The following LINGO2 variants were observed in gnomAD, a reference collection of about 807,000 sequenced individuals.
LINGO2 encodes the protein leucine rich repeat and Ig domain containing 2.
LINGO2 carries 14 observed loss-of-function variants against 30.6 expected under a neutral mutation model. The ratio of observed to expected loss-of-function variants is 0.46; its 90% confidence interval spans 0.30 to 0.72. LINGO2 has a LOEUF of 0.72. Ranked by LOEUF, LINGO2 falls within the 30% of genes least tolerant of loss-of-function variation. The pLI, the probability that LINGO2 is intolerant of heterozygous loss-of-function variation, is 0.07. For missense variants in LINGO2, 729 were observed against 751.7 expected (o/e 0.97, Z 0.35); for synonymous variants, 317 against 288.5 (o/e 1.10, Z -1.00).
chr9:29,024,446 T>C, the LINGO2 span, among the ~76,000 whole-genome samples: 1 of 152,118 alleles, frequency 6.6e-6, no homozygotes, highest in South Asian at 2.1e-4. Flanking sequence ...ATAAATGTTA[T>C]TCATGGCTAA....
At chr9:28,743,748 T>C in the LINGO2 span, among the ~76,000 whole-genome samples, 1 of 151,874 alleles carries the variant, frequency 6.6e-6, no homozygotes, top group Non-Finnish European at 1.5e-5. Flanking sequence ...GATTTTTCTA[T>C]TTATATTGTC....
the LINGO2 span, among the ~76,000 whole-genome samples, chr9:28,752,627 A>T: frequency 6.6e-6 from 1 of 152,088 alleles, no homozygotes; most frequent in Non-Finnish European, 1.5e-5. Flanking sequence ...AAAAGTGAGT[A>T]TTTCAATAGT....
the LINGO2 span, among the ~76,000 whole-genome samples, chr9:29,187,680 C>T: frequency 5.3e-5 from 8 of 151,616 alleles, no homozygotes; most frequent in Non-Finnish European, 7.4e-5. Context: ...AATGAAAACT[C>T]TGGTGTACAT....
chr9:28,911,366 C>A, the LINGO2 span, among the ~76,000 whole-genome samples: 1 of 151,746 alleles, frequency 6.6e-6, no homozygotes, highest in African/African-American at 2.4e-5. Flanking sequence ...TAAAGAAGCA[C>A]GTTTGACATT....
chr9:28,456,556 C>A (rs535917316), intron 2 of LINGO2, among the ~76,000 whole-genome samples: 1 of 152,184 alleles, frequency 6.6e-6, no homozygotes, highest in Non-Finnish European at 1.5e-5. Context: ...TCTGACTGTT[C>A]ATTTTCCAGA....
chr9:29,170,594 A>T, the LINGO2 span, among the ~76,000 whole-genome samples: 1 of 152,038 alleles, frequency 6.6e-6, no homozygotes, highest in Middle Eastern at 3.4e-3. Flanking sequence ...TATAAAAATT[A>T]AAAAAAGAAA....
chr9:27,990,202 T>TA (rs1821324207), intron 5 of LINGO2, among the ~76,000 whole-genome samples: 1 of 152,048 alleles, frequency 6.6e-6, no homozygotes, highest in Non-Finnish European at 1.5e-5. Context: ...ATTTTTGACC[T>TA]ACAAAAACAG....
At chr9:28,003,430 A>T (rs1822084763) in intron 5 of LINGO2, among the ~76,000 whole-genome samples, 1 of 152,022 alleles carries the variant, frequency 6.6e-6, no homozygotes, top group Non-Finnish European at 1.5e-5. Context: ...TTCAGTGTTT[A>T]CTATTAGAGG....
chr9:28,011,592 G>A (rs1196802162), intron 5 of LINGO2, among the ~76,000 whole-genome samples: 4 of 152,122 alleles, frequency 2.6e-5, no homozygotes. Context: ...CAGGCAGATG[G>A]GTGAAGTTAT....
At chr9:28,648,286 G>A (rs191832898) in intron 1 of LINGO2, among the ~76,000 whole-genome samples, 1 of 152,086 alleles carries the variant, frequency 6.6e-6, no homozygotes, top group African/African-American at 2.4e-5. Flanking sequence ...TTTTACGAGA[G>A]AGCATAGACT....
intron 4 of LINGO2, among the ~76,000 whole-genome samples, chr9:28,067,447 G>C (rs1287602157): frequency 6.6e-6 from 1 of 152,096 alleles, no homozygotes; most frequent in Non-Finnish European, 1.5e-5. Flanking sequence ...AAAACAAAAA[G>C]TTCAGATTTT....
At chr9:28,008,143 G>C (rs1822361065) in intron 5 of LINGO2, among the ~76,000 whole-genome samples, 1 of 152,114 alleles carries the variant, frequency 6.6e-6, no homozygotes, top group Non-Finnish European at 1.5e-5. Flanking sequence ...AGGTGAGTGG[G>C]CTTTCTATGA....
chr9:29,108,586 C>T, the LINGO2 span, among the ~76,000 whole-genome samples: 1 of 152,142 alleles, frequency 6.6e-6, no homozygotes, highest in Admixed American at 6.5e-5. Flanking sequence ...AGTAGCTAGG[C>T]TAATTATACA....
intron 4 of LINGO2, among the ~76,000 whole-genome samples, chr9:28,058,460 T>C (rs558205910): frequency 1.3e-5 from 2 of 152,214 alleles, no homozygotes; most frequent in African/African-American, 4.8e-5. Context: ...ACATAACTCA[T>C]TCTTTCTTTT....
At chr9:28,675,842 GC>G in the LINGO2 span, among the ~76,000 whole-genome samples, 1 of 147,766 alleles carries the variant, frequency 6.8e-6, no homozygotes, top group Non-Finnish European at 1.5e-5. Flanking sequence ...CTGCACTCCA[GC>G]CTGGGTAACA....
chr9:28,180,339 T>A (rs1333255858), intron 4 of LINGO2, among the ~76,000 whole-genome samples: 1 of 152,198 alleles, frequency 6.6e-6, no homozygotes, highest in African/African-American at 2.4e-5. Flanking sequence ...TATTGCTTCA[T>A]GTAAAGTTTT....
intron 4 of LINGO2, among the ~76,000 whole-genome samples, chr9:28,226,628 AAAGAAGGAAAGAAG>A: frequency 5.4e-5 from 5 of 92,638 alleles, no homozygotes; most frequent in African/African-American, 1.9e-4. Flanking sequence ...GGAAAGAAGG[AAAGAAGGAAAGAAG>A]GAAAGAAAGA....
the LINGO2 span, among the ~76,000 whole-genome samples, chr9:29,191,685 G>A: frequency 1.3e-5 from 2 of 152,000 alleles, no homozygotes; most frequent in Admixed American, 1.3e-4. Context: ...CCATAATCAG[G>A]ATAGCACAAC....
chr9:28,172,205 A>C (rs1196192961), intron 4 of LINGO2, among the ~76,000 whole-genome samples: 3 of 148,388 alleles, frequency 2.0e-5, no homozygotes, highest in African/African-American at 5.0e-5. Flanking sequence ...TCCCGGCTAA[A>C]ACGGTGAAAC....
Sources: gnomAD v4.1 joint callset for allele counts (sites outside exome capture counted in the v4.1 genomes callset) on GRCh38, gnomAD v4.1.1 for gene constraint, MANE v1.5 for transcripts, NCBI Gene and HGNC (gene_info 2026-07-23, HGNC 2026-07-21) for gene names.